The following COL4A6 variants were observed in gnomAD, a reference collection of about 807,000 sequenced individuals.
COL4A6 encodes the protein collagen type IV alpha 6 chain, also known as collagen alpha-6(IV) chain.
In COL4A6, 59 loss-of-function variants were observed where a neutral mutation model predicts 126.7. That is an observed-to-expected ratio of 0.47 (90% CI 0.38 to 0.58). The LOEUF (loss-of-function observed/expected upper bound fraction) is 0.58, where lower values mean the gene tolerates loss of function less well. Among genes scored for constraint, COL4A6 ranks in the 20% least tolerant of loss-of-function variants. The pLI is 0.00. For synonymous variants in COL4A6, 547 were observed against 496.6 expected (o/e 1.10, Z -1.35); for missense variants, 1,285 against 1,337.3 (o/e 0.96, Z 0.61).
intron 41 of COL4A6, 41 bp downstream of exon 41, chrX:108,162,851 C>T (rs1319953827): frequency 9.0e-7 from 1 of 1,114,509 alleles, no homozygotes; most frequent in East Asian, 3.4e-5. Flanking sequence ...CAAACTGTCT[C>T]AACTCCCCAA....
intron 2 of COL4A6, among the ~76,000 whole-genome samples, chrX:108,419,570 ACC>A (rs2041493726): frequency 8.9e-6 from 1 of 112,174 alleles, no homozygotes; most frequent in African/African-American, 3.2e-5. Flanking sequence ...CAGTTATACA[ACC>A]TTTTAAATAA....
In COL4A6 at chrX:108,205,677, C is replaced by T. The variant is rs755185014; in HGVS notation, c.628G>A (p.Gly210Ser). 8.3e-7 allele frequency: 1 copy of T among 1,208,339 alleles called. No individual in the cohort carries two copies. The change falls in exon 10 of 45, where the codon GGT becomes AGT. Residue 210 changes from glycine (G) to serine (S), a missense_variant. Gly to Ser is a moderately conservative substitution (Grantham distance 56). Coordinates refer to ENST00000334504, the MANE Select transcript of COL4A6 (RefSeq NM_033641.4). ...ATACTTACATCAGGACCAAGAGGACCAGGAGGCCCTGGAGGACCCTAGATT... is the reference window on the plus strand; with the variant it reads ...ATACTTACATCAGGACCAAGAGGACTAGGAGGCCCTGGAGGACCCTAGATT... ...PGLQGPPGPP[G>S]PLGPDGNMGL...
At position 108,336,708 on chromosome X, in the gene COL4A6, A is replaced by AT. The variant is rs759515092; in HGVS notation, c.64-25881dup. 7.2e-5 allele frequency among the ~76,000 whole-genome samples: 8 copies of AT among 111,472 alleles called. No individual in the cohort carries two copies. In the East Asian group the frequency reaches 8.4e-4, roughly 12 times the overall value. ...TGATTAATCAATCCATTGGTCCCTG[A>AT]TTTTTTTATGCCTAACTATGGGTTT... On this transcript the variant is annotated intron_variant, in intron 2 of 44. Transcript: ENST00000334504.
intron 2 of COL4A6, among the ~76,000 whole-genome samples, chrX:108,353,328 A>C (rs1241014796): frequency 8.9e-6 from 1 of 112,531 alleles, no homozygotes; most frequent in African/African-American, 3.2e-5. Context: ...TTCAGTATAC[A>C]GAACACCTCT....
At chrX:108,199,457 A>G (rs1389701470) in intron 13 of COL4A6, among the ~76,000 whole-genome samples, 1 of 111,681 alleles carries the variant, frequency 9.0e-6, no homozygotes, top group East Asian at 2.8e-4. Context: ...AAGGTCACAC[A>G]TTGAATCTGT....
intron 44 of COL4A6, among the ~76,000 whole-genome samples, chrX:108,157,984 A>G (rs764086059): frequency 3.6e-5 from 4 of 112,440 alleles, no homozygotes; most frequent in African/African-American, 9.7e-5. Context: ...GGCCAATGAG[A>G]CAAATGCCCA....
chrX:108,327,958 T>C (rs1569427191), intron 2 of COL4A6, among the ~76,000 whole-genome samples: 1 of 111,242 alleles, frequency 9.0e-6, no homozygotes, highest in East Asian at 2.8e-4. Context: ...ATTTGGAACT[T>C]CATGAATCCA....
chrX:108,256,904 A>T (rs1231188971), intron 3 of COL4A6, among the ~76,000 whole-genome samples: 4 of 111,750 alleles, frequency 3.6e-5, no homozygotes, highest in Non-Finnish European at 5.7e-5. Context: ...ATTGAGGTAG[A>T]GTGAAGGTTT....
intron 13 of COL4A6, among the ~76,000 whole-genome samples, chrX:108,201,790 T>G (rs754223980): frequency 1.2e-4 from 13 of 111,832 alleles, no homozygotes; most frequent in Non-Finnish European, 1.7e-4. Context: ...CCTGGACTAC[T>G]GCAATACCCT....
chrX:108,408,714 C>A (rs1358242909), intron 2 of COL4A6, among the ~76,000 whole-genome samples: 1 of 111,749 alleles, frequency 8.9e-6, no homozygotes, highest in Non-Finnish European at 1.9e-5. Flanking sequence ...GTAATCCCAG[C>A]ACTTTGGGAG....
intron 2 of COL4A6, among the ~76,000 whole-genome samples, chrX:108,429,620 T>C (rs56316644): frequency 0.074 from 8,319 of 111,796 alleles, 681 homozygotes; most frequent in African/African-American, 0.23. Flanking sequence ...AGGATCTCTC[T>C]GTACTATTTT....
intron 3 of COL4A6, among the ~76,000 whole-genome samples, chrX:108,280,234 G>T (rs1183484747): frequency 9.0e-6 from 1 of 111,176 alleles, no homozygotes; most frequent in Non-Finnish European, 1.9e-5. Flanking sequence ...CAACAAAATT[G>T]ATAGACCGCT....
At chrX:108,353,078 T>C (rs2039880752) in intron 2 of COL4A6, among the ~76,000 whole-genome samples, 1 of 111,573 alleles carries the variant, frequency 9.0e-6, no homozygotes, top group Admixed American at 9.5e-5. Flanking sequence ...CTATACAGGG[T>C]AGTGGTTATA....
intron 2 of COL4A6, among the ~76,000 whole-genome samples, chrX:108,353,371 C>T (rs1182081740): frequency 8.9e-6 from 1 of 112,411 alleles, no homozygotes; most frequent in Non-Finnish European, 1.9e-5. Flanking sequence ...GTCATTTCTG[C>T]CTCTGGGAGG....
intron 3 of COL4A6, among the ~76,000 whole-genome samples, chrX:108,298,748 G>A (rs1057213672): frequency 1.2e-4 from 13 of 109,171 alleles, no homozygotes; most frequent in African/African-American, 2.3e-4. Flanking sequence ...GGGGGCAGGC[G>A]GACTTGCCAC....
At chrX:108,254,014 G>C (rs1032917400) in intron 3 of COL4A6, among the ~76,000 whole-genome samples, 1 of 111,775 alleles carries the variant, frequency 8.9e-6, no homozygotes, top group Non-Finnish European at 1.9e-5. Flanking sequence ...TTTCTAAACT[G>C]TCAGACACAA....
At chrX:108,231,947 G>A (rs945534972) in intron 3 of COL4A6, among the ~76,000 whole-genome samples, 1 of 111,835 alleles carries the variant, frequency 8.9e-6, no homozygotes, top group Non-Finnish European at 1.9e-5. Context: ...CTTCTTACCT[G>A]GTCAGTGGGT....
At chrX:108,252,884 T>C (rs150587959) in intron 3 of COL4A6, among the ~76,000 whole-genome samples, 3,873 of 111,685 alleles carry the variant, frequency 0.035, 171 homozygotes, top group African/African-American at 0.12. Flanking sequence ...ACCACATTAA[T>C]AGAATGATGG....
intron 2 of COL4A6, among the ~76,000 whole-genome samples, chrX:108,414,549 G>A (rs2041395649): frequency 9.2e-6 from 1 of 108,421 alleles, no homozygotes; most frequent in East Asian, 2.9e-4. Context: ...GGAGGTCAAG[G>A]TGGGAGGATT....
Sources: gnomAD v4.1 joint callset for allele counts (sites outside exome capture counted in the v4.1 genomes callset) on GRCh38, gnomAD v4.1.1 for gene constraint, MANE v1.5 for transcripts, NCBI Gene and HGNC (gene_info 2026-07-23, HGNC 2026-07-21) for gene names.